Variants in IMMP2L observed in about 807,000 individuals in gnomAD.
IMMP2L encodes mitochondrial inner membrane protease subunit 2.
Under a neutral mutation model 19.3 loss-of-function variants are expected in IMMP2L, and 18 were observed. The ratio of observed to expected loss-of-function variants is 0.93; its 90% CI spans 0.64 to 1.38. IMMP2L has a LOEUF of 1.38. Ranked by LOEUF, IMMP2L falls within the 40% of genes most tolerant of loss-of-function variation. The probability of loss-of-function intolerance (pLI) is 0.00; values close to 1 mark genes in which losing one functional copy is unlikely to be tolerated. For missense variants in IMMP2L, 233 were observed against 218.2 expected (o/e 1.07, Z -0.43); for synonymous variants, 76 against 73.0 (o/e 1.04, Z -0.21).
chr7:111,056,962 A>G (rs756272931), intron 3 of IMMP2L, among the ~76,000 whole-genome samples: 6 of 152,156 alleles, frequency 3.9e-5, no homozygotes, highest in Non-Finnish European at 7.4e-5. Context: ...AACTGTATAC[A>G]AGTACCCCAA....
intron 4 of IMMP2L, among the ~76,000 whole-genome samples, chr7:110,946,891 T>A (rs2129553627): frequency 6.6e-6 from 1 of 152,034 alleles, no homozygotes; most frequent in Middle Eastern, 3.4e-3. Context: ...CGGCTAATTT[T>A]TTGTATTTTT....
intron 3 of IMMP2L, among the ~76,000 whole-genome samples, chr7:111,148,280 C>T (rs528725639): frequency 6.6e-6 from 1 of 152,066 alleles, no homozygotes; most frequent in East Asian, 1.9e-4. Flanking sequence ...TGTATGATTC[C>T]AATTACATGA....
intron 5 of IMMP2L, among the ~76,000 whole-genome samples, chr7:110,777,723 A>G (rs1799487561): frequency 6.6e-6 from 1 of 152,142 alleles, no homozygotes; most frequent in South Asian, 2.1e-4. Context: ...GGTGGCTTAC[A>G]GATCCACTAT....
At chr7:111,178,684 C>T (rs1807356253) in intron 3 of IMMP2L, among the ~76,000 whole-genome samples, 1 of 152,068 alleles carries the variant, frequency 6.6e-6, no homozygotes, top group African/African-American at 2.4e-5. Flanking sequence ...CAAGAAACCA[C>T]TTTCTTTGCT....
At chr7:111,396,000 G>A (rs1408212736) in intron 3 of IMMP2L, among the ~76,000 whole-genome samples, 1 of 152,150 alleles carries the variant, frequency 6.6e-6, no homozygotes, top group Non-Finnish European at 1.5e-5. Flanking sequence ...TGGTGAGGCT[G>A]TGGAGAAACA....
intron 5 of IMMP2L, among the ~76,000 whole-genome samples, chr7:110,735,645 T>C (rs1356453895): frequency 9.8e-6 from 1 of 101,714 alleles, no homozygotes; most frequent in African/African-American, 3.4e-5. Context: ...TATATATATA[T>C]TAGACAAATA....
rs1458488324 is a variant in IMMP2L, at chr7:110,861,107, G to C, written c.408+25486C>G. ...TGTGTGTGTGTGTGTGTGAGAGAGAGAGAGAGAGAGAGAGAGAGAGAGACA... is the reference window on the plus strand; with the variant it reads ...TGTGTGTGTGTGTGTGTGAGAGAGACAGAGAGAGAGAGAGAGAGAGAGACA... On this transcript the variant is annotated intron_variant, in intron 5 of 5. Transcript: ENST00000405709. 2.3e-5 allele frequency among the ~76,000 whole-genome samples: 3 copies of C among 129,390 alleles called. No individual in the cohort carries two copies. The East Asian group carries it at 9.5e-4, about 41-fold the overall frequency. The allele number at this position is 129,390 out of a possible 152,430, so 84.9% of individuals were successfully genotyped here.
At position 111,007,652 on chromosome 7, in the gene IMMP2L, CGTATGTACACATATAGACAT is replaced by C. The variant is rs1168040253; in HGVS notation, c.240-44107_240-44088del. Among the ~76,000 whole-genome samples the C allele has an allele frequency of 3.9e-5, 6 of 152,014 alleles. No individual in the cohort carries two copies. In the East Asian group the frequency reaches 7.7e-4, roughly 20 times the overall value. ...TGTGTTTGAATACCACTGACGTGTA[CGTATGTACACATATAGACAT>C]GTATGTACACATATAGACATGCATG... On this transcript the variant is annotated intron_variant, in intron 3 of 5. Coordinates refer to ENST00000405709, the MANE Select transcript of IMMP2L (RefSeq NM_032549.4).
chr7:111,197,039 A>G (rs1809578008), intron 3 of IMMP2L, among the ~76,000 whole-genome samples: 1 of 152,204 alleles, frequency 6.6e-6, no homozygotes, highest in East Asian at 1.9e-4. Flanking sequence ...GAATCCTCTT[A>G]TATTCACAAA....
At chr7:111,517,815 T>C (rs1845997367) in intron 2 of IMMP2L, among the ~76,000 whole-genome samples, 1 of 152,094 alleles carries the variant, frequency 6.6e-6, no homozygotes, top group South Asian at 2.1e-4. Flanking sequence ...CTTTCATAGG[T>C]AACCTTTCAG....
Position 111,449,186 on chromosome 7 carries a change from G to C in IMMP2L, c.239+38052C>G, listed in dbSNP as rs1279882353. Among the ~76,000 whole-genome samples, 559 of 146,080 alleles carry C rather than the reference G, an allele frequency of 3.8e-3. 1 individual carries two copies. The highest frequency in any genetic ancestry group is 0.014 in the African/African-American group (543 of 39,078). ...ACTATCCCAATCAATAGAAAAAGAGGGAATCCTCCCTAACTCATTTTATGA... is the reference window on the plus strand; with the variant it reads ...ACTATCCCAATCAATAGAAAAAGAGCGAATCCTCCCTAACTCATTTTATGA... On this transcript the variant is annotated intron_variant, in intron 3 of 5. Coordinates refer to ENST00000405709, the MANE Select transcript of IMMP2L (RefSeq NM_032549.4).
intron 3 of IMMP2L, among the ~76,000 whole-genome samples, chr7:111,263,019 G>A (rs1330030196): frequency 1.3e-5 from 2 of 152,058 alleles, no homozygotes; most frequent in African/African-American, 4.8e-5. Flanking sequence ...TGAATGGGAG[G>A]AGAATCATAA....
At chr7:111,033,135 T>A (rs2129569260) in intron 3 of IMMP2L, among the ~76,000 whole-genome samples, 1 of 152,002 alleles carries the variant, frequency 6.6e-6, no homozygotes, top group East Asian at 1.9e-4. Flanking sequence ...ATAAATAAAT[T>A]AAAATAAGTA....
chr7:110,856,999 G>T (rs984811549), intron 5 of IMMP2L, among the ~76,000 whole-genome samples: 5 of 152,034 alleles, frequency 3.3e-5, no homozygotes, highest in African/African-American at 1.2e-4. Flanking sequence ...CATGTAACAG[G>T]TCAATGTGTT....
intron 3 of IMMP2L, among the ~76,000 whole-genome samples, chr7:111,231,564 T>TA (rs1437638567): frequency 1.3e-5 from 2 of 152,014 alleles, no homozygotes; most frequent in Non-Finnish European, 2.9e-5. Flanking sequence ...TCCCCTCTCA[T>TA]ACCAGTTGTC....
intron 3 of IMMP2L, among the ~76,000 whole-genome samples, chr7:111,325,150 T>C (rs1446234801): frequency 6.6e-6 from 1 of 151,764 alleles, no homozygotes; most frequent in African/African-American, 2.4e-5. Context: ...AAAAGAAATA[T>C]AAGATTTTAG....
chr7:111,354,267 A>G (rs1351268107), intron 3 of IMMP2L, among the ~76,000 whole-genome samples: 1 of 152,042 alleles, frequency 6.6e-6, no homozygotes, highest in Non-Finnish European at 1.5e-5. Context: ...ATTTAAAGAT[A>G]CCTATTAAGG....
intron 1 of IMMP2L, among the ~76,000 whole-genome samples, chr7:111,549,621 C>T (rs1220250953): frequency 6.6e-6 from 1 of 152,166 alleles, no homozygotes; most frequent in Non-Finnish European, 1.5e-5. Context: ...ACTCAGACTA[C>T]AGGATGTCTC....
chr7:110,723,697 C>T (rs1429153181), intron 5 of IMMP2L, among the ~76,000 whole-genome samples: 2 of 151,916 alleles, frequency 1.3e-5, no homozygotes, highest in African/African-American at 4.8e-5. Context: ...TTTACTGGAA[C>T]CTTTATTTTA....
Sources: gnomAD v4.1 joint callset for allele counts (sites outside exome capture counted in the v4.1 genomes callset) on GRCh38, gnomAD v4.1.1 for gene constraint, MANE v1.5 for transcripts, NCBI Gene and HGNC (gene_info 2026-07-23, HGNC 2026-07-21) for gene names.